THOC2: variants seen among roughly 807,000 people sequenced by gnomAD.
THOC2 encodes the protein THO complex subunit 2, also known as THO complex 2.
A neutral mutation model predicts 128.4 loss-of-function variants in THOC2; 10 were observed. The ratio of observed to expected loss-of-function variants is 0.08; its 90% CI spans 0.05 to 0.13. The LOEUF (loss-of-function observed/expected upper bound fraction) is 0.13, where lower values mean the gene tolerates loss of function less well. Ranked by LOEUF, THOC2 falls within the 10% of genes least tolerant of loss-of-function variation. The probability of loss-of-function intolerance (pLI) is 1.00; values close to 1 mark genes in which losing one functional copy is unlikely to be tolerated. For missense variants in THOC2, 535 were observed against 1,155.7 expected (o/e 0.46, Z 7.79); for synonymous variants, 393 against 396.9 (o/e 0.99, Z 0.12).
chrX:123,729,847 T>G (rs191735411), intron 1 of THOC2, among the ~76,000 whole-genome samples: 159 of 112,081 alleles, frequency 1.4e-3, no homozygotes, highest in African/African-American at 5.1e-3. Context: ...GTATTCTGCC[T>G]AGTAATATGA....
At chrX:123,629,768 G>T (rs897612579) in intron 22 of THOC2, among the ~76,000 whole-genome samples, 1 of 111,463 alleles carries the variant, frequency 9.0e-6, no homozygotes, top group Non-Finnish European at 1.9e-5. Context: ...TAGAGGACAG[G>T]TCTTATTGAA....
In THOC2 at chrX:123,706,960, T is replaced by C. The variant is rs778266702; in HGVS notation, c.131-11A>G. On this transcript the variant is annotated splice_polypyrimidine_tract_variant and intron_variant, in intron 2 of 38. Coordinates refer to ENST00000245838, the MANE Select transcript of THOC2 (RefSeq NM_001081550.2). ...GAGCTTGCTGGAAATCTGTTGAACA[T>C]AAGAGAAATAATGTAAGGATACAGT... 1.0e-6 allele frequency: 1 copy of C among 964,715 alleles called. No homozygotes were observed. Among genetic ancestry groups the C allele is most frequent in the Non-Finnish European group, 1.4e-6 (1 of 705,266 alleles). The allele number at this position is 964,715 out of a possible 1,213,427, so 79.5% of individuals were successfully genotyped here. A position where few individuals can be genotyped will look rare whatever the true frequency, so the allele number is the denominator to read the frequency against.
intron 7 of THOC2, among the ~76,000 whole-genome samples, chrX:123,693,548 G>A (rs2050318226): frequency 9.0e-6 from 1 of 111,658 alleles, no homozygotes; most frequent in African/African-American, 3.3e-5. Context: ...GAGACAGGAA[G>A]ATGAACTTTC....
At chrX:123,646,956 T>G (rs2048148982) in intron 12 of THOC2, among the ~76,000 whole-genome samples, 1 of 111,902 alleles carries the variant, frequency 8.9e-6, no homozygotes, top group African/African-American at 3.3e-5. Flanking sequence ...TGGTATACTA[T>G]AATTTAAACA....
intron 25 of THOC2, 63 bp from the exon 26 acceptor site, chrX:123,624,732 A>T (rs2047198815): frequency 9.4e-7 from 1 of 1,064,231 alleles, no homozygotes; most frequent in Admixed American, 2.3e-5. Context: ...TAAAAATATT[A>T]GAAGATTCTC....
At chrX:123,724,546 G>A (rs1056256123) in intron 1 of THOC2, among the ~76,000 whole-genome samples, 2 of 109,771 alleles carry the variant, frequency 1.8e-5, no homozygotes, top group African/African-American at 3.3e-5. Context: ...TTAGCTGGAC[G>A]CAGTGGTGCG....
chrX:123,706,095 CAAT>C (rs779619204), intron 3 of THOC2, among the ~76,000 whole-genome samples: 283 of 110,810 alleles, frequency 2.6e-3, no homozygotes, highest in African/African-American at 9.0e-3. Context: ...TTAAATTCTC[CAAT>C]AAATGAAGGA....
Position 123,653,011 on chromosome X carries a change from C to G in THOC2, c.1387-7636G>C, listed in dbSNP as rs138683761. ...CAAAGCTGGAGGCATCATGCTACCT[C>G]ACTTCAAACTATACTACAAGGCTAC... On this transcript the variant is annotated intron_variant, in intron 12 of 38. Transcript: ENST00000245838. Among the ~76,000 whole-genome samples the G allele has an allele frequency of 6.1e-3, 682 of 111,593 alleles. 3 individuals are homozygous for G. Among genetic ancestry groups the G allele is most frequent in the African/African-American group, 0.02 (606 of 30,689 alleles).
chrX:123,713,683 A>G (rs774006517), intron 1 of THOC2, among the ~76,000 whole-genome samples: 81 of 108,271 alleles, frequency 7.5e-4, no homozygotes, highest in African/African-American at 2.6e-3. Context: ...CCCTGTCTCA[A>G]CAAAAAATAC....
intron 13 of THOC2, 72 bp from the exon 14 acceptor site, chrX:123,644,981 G>C (rs1244309858): frequency 3.3e-6 from 3 of 915,035 alleles, no homozygotes; most frequent in Non-Finnish European, 4.5e-6. Flanking sequence ...ATTTATAACA[G>C]CCTTGGGAAA....
At chrX:123,643,696 T>TTTCAATATAATCC (rs2048017424) in intron 15 of THOC2, among the ~76,000 whole-genome samples, 1 of 106,919 alleles carries the variant, frequency 9.4e-6, no homozygotes, top group Admixed American at 1.0e-4. Context: ...GCACCTATTA[T>TTTCAATATAATCC]ACTAGGTTGT....
At chrX:123,714,390 G>A (rs190509523) in intron 1 of THOC2, among the ~76,000 whole-genome samples, 108 of 111,902 alleles carry the variant, frequency 9.7e-4, no homozygotes, top group Non-Finnish European at 1.7e-4. Flanking sequence ...GAGAGAACAG[G>A]GGTGGCTATG....
intron 17 of THOC2, 145 bp downstream of exon 17, chrX:123,638,789 C>G (rs2047791010): frequency 4.8e-6 from 2 of 416,124 alleles, no homozygotes. Context: ...CACACACACA[C>G]ACACACAATT....
chrX:123,711,674 T>A (rs1335257795), intron 2 of THOC2, among the ~76,000 whole-genome samples: 1 of 110,145 alleles, frequency 9.1e-6, no homozygotes, highest in Admixed American at 9.8e-5. Flanking sequence ...TCCCAGCTAC[T>A]TGGGAAGCTG....
rs1431207212 is a variant in THOC2, at chrX:123,601,116, A to T, written c.*241T>A. 4 of 112,518 alleles carry T rather than the reference A, an allele frequency of 3.6e-5. No individual in the cohort carries two copies. Among genetic ancestry groups the T allele is most frequent in the Admixed American group, 1.9e-4 (2 of 10,610 alleles). The allele number at this position is 112,518 out of a possible 1,213,427, so 9.3% of individuals were successfully genotyped here. On this transcript the variant is annotated 3_prime_UTR_variant, in exon 39 of 39. Coordinates refer to ENST00000245838, the MANE Select transcript of THOC2 (RefSeq NM_001081550.2). The stretch of plus-strand genomic sequence containing the variant: ...TTGTGCTAAAAGTATGGAACAGTTA[A>T]CACTTTCAGCCATTACTGAAAATAA...
At chrX:123,707,651 C>T (rs2050990648) in intron 2 of THOC2, among the ~76,000 whole-genome samples, 1 of 110,844 alleles carries the variant, frequency 9.0e-6, no homozygotes, top group Admixed American at 9.7e-5. Context: ...TGAACACCTC[C>T]TTCTGGTCAT....
At chrX:123,709,677 T>C (rs1025630725) in intron 2 of THOC2, among the ~76,000 whole-genome samples, 4 of 111,964 alleles carry the variant, frequency 3.6e-5, no homozygotes, top group Non-Finnish European at 7.5e-5. Context: ...CTTGGTTATG[T>C]CTAATATTGC....
At chrX:123,717,001 T>C (rs758071971) in intron 1 of THOC2, among the ~76,000 whole-genome samples, 5 of 111,855 alleles carry the variant, frequency 4.5e-5, no homozygotes, top group East Asian at 2.8e-4. Flanking sequence ...TTATATTCAA[T>C]AGTGAAAAGT....
At chrX:123,672,435 C>T (rs5910029) in intron 8 of THOC2, among the ~76,000 whole-genome samples, 34 of 111,238 alleles carry the variant, frequency 3.1e-4, no homozygotes, top group Admixed American at 6.7e-4. Context: ...CCATGCCTGG[C>T]TGATACACAT....
Sources: allele counts gnomAD v4.1 joint callset (sites outside exome capture counted in the v4.1 genomes callset), GRCh38; gene constraint gnomAD v4.1.1; transcripts MANE v1.5; gene names NCBI Gene and HGNC (gene_info 2026-07-23, HGNC 2026-07-21).